AGBL4: variants seen among roughly 807,000 people sequenced by gnomAD.
AGBL4 encodes AGBL carboxypeptidase 4, also known as cytosolic carboxypeptidase 6.
Under a neutral mutation model 66.4 loss-of-function variants are expected in AGBL4, and 58 were observed. That is an observed-to-expected ratio of 0.87 (90% CI 0.71 to 1.09). AGBL4 has a LOEUF of 1.09. Among genes scored for constraint, AGBL4 ranks in the 50% least tolerant of loss-of-function variants. The pLI, the probability that AGBL4 is intolerant of heterozygous loss-of-function variation, is 0.00. For synonymous variants in AGBL4, 234 were observed against 222.9 expected, an observed-to-expected ratio of 1.05 and a Z score of -0.44; for missense variants, 579 against 631.0, an observed-to-expected ratio of 0.92 and a Z score of 0.88.
chr1:49,233,280 A>G (rs1388970769), intron 4 of AGBL4, among the ~76,000 whole-genome samples: 2 of 152,224 alleles, frequency 1.3e-5, no homozygotes, highest in Non-Finnish European at 2.9e-5. Flanking sequence ...GCCCCAAATA[A>G]ATCCAATCTG....
intron 9 of AGBL4, among the ~76,000 whole-genome samples, chr1:48,626,391 A>T (rs927060388): frequency 5.3e-5 from 8 of 152,210 alleles, no homozygotes; most frequent in African/African-American, 9.6e-5. Flanking sequence ...GGGCATACTG[A>T]GGCTTTGGAA....
At chr1:48,879,692 C>G (rs1479558010) in intron 5 of AGBL4, among the ~76,000 whole-genome samples, 1 of 151,946 alleles carries the variant, frequency 6.6e-6, no homozygotes, top group Non-Finnish European at 1.5e-5. Context: ...TTATCTTATC[C>G]TCACAACATA....
At chr1:49,258,780 C>T (rs528933175) in intron 3 of AGBL4, among the ~76,000 whole-genome samples, 6 of 152,224 alleles carry the variant, frequency 3.9e-5, no homozygotes, top group Non-Finnish European at 5.9e-5. Flanking sequence ...GGCAGGCCAA[C>T]GTTCAGATTC....
At chr1:48,759,485 G>C in intron 6 of AGBL4, 1 of 1,081,422 alleles carries the variant, frequency 9.2e-7, no homozygotes, top group Non-Finnish European at 1.3e-6. Context: ...GGGGTTCCGA[G>C]TGGGGAAGGG....
intron 6 of AGBL4, among the ~76,000 whole-genome samples, chr1:48,816,797 C>T (rs528664288): frequency 3.2e-4 from 49 of 152,234 alleles, no homozygotes; most frequent in African/African-American, 1.1e-3. Context: ...AAAGCGTCCA[C>T]AATCTAATGA....
intron 5 of AGBL4, among the ~76,000 whole-genome samples, chr1:49,024,768 G>C (rs1663514765): frequency 1.3e-5 from 2 of 152,118 alleles, no homozygotes; most frequent in Non-Finnish European, 2.9e-5. Context: ...TTATATCCAA[G>C]AACTTACAAA....
rs191836136 is a variant in AGBL4 at position 49,656,624 on chromosome 1, C to T, written c.282+40689G>A. On this transcript the variant is annotated intron_variant, in intron 3 of 13. Coordinates refer to ENST00000371839, the MANE Select transcript of AGBL4 (RefSeq NM_032785.4). ...AATCCTCAATAAAATACTGGCAAAC[C>T]GAATCCAGCAGCACATCAAAAAGCT... 5.3e-4 allele frequency among the ~76,000 whole-genome samples: 81 copies of T among 152,216 alleles called. 1 individual carries two copies. The highest frequency in any genetic ancestry group is 1.5e-3 in the African/African-American group (62 of 41,536).
At chr1:49,416,462 T>C (rs1035954744) in intron 3 of AGBL4, among the ~76,000 whole-genome samples, 1 of 152,126 alleles carries the variant, frequency 6.6e-6, no homozygotes, top group African/African-American at 2.4e-5. Context: ...GAGCCACTAT[T>C]TCCTCATCCA....
chr1:49,594,897 T>C (rs1644823022), intron 3 of AGBL4, among the ~76,000 whole-genome samples: 1 of 152,178 alleles, frequency 6.6e-6, no homozygotes, highest in Non-Finnish European at 1.5e-5. Flanking sequence ...GTAATGGGAT[T>C]GCTAGGTCAA....
At chr1:49,379,226 C>T (rs1644538826) in intron 3 of AGBL4, among the ~76,000 whole-genome samples, 1 of 152,146 alleles carries the variant, frequency 6.6e-6, no homozygotes, top group Non-Finnish European at 1.5e-5. Context: ...GATCTTCTAT[C>T]ATTCCCCACT....
intron 3 of AGBL4, among the ~76,000 whole-genome samples, chr1:49,634,546 T>C (rs183056711): frequency 1.2e-4 from 18 of 152,312 alleles, no homozygotes; most frequent in Non-Finnish European, 2.5e-4. Flanking sequence ...GTCTTTATGG[T>C]AGAATGATTT....
At chr1:49,500,760 A>G (rs995848368) in intron 3 of AGBL4, among the ~76,000 whole-genome samples, 1 of 152,052 alleles carries the variant, frequency 6.6e-6, no homozygotes, top group Non-Finnish European at 1.5e-5. Context: ...TACCAGTACC[A>G]TGCTGTTTTG....
intron 3 of AGBL4, among the ~76,000 whole-genome samples, chr1:49,668,025 G>A (rs55699556): frequency 1.4e-3 from 215 of 152,252 alleles, no homozygotes; most frequent in Admixed American, 3.9e-3. Context: ...CAAGCGTATC[G>A]TAGGGCAAAG....
chr1:48,680,842 G>A (rs1457034898), intron 6 of AGBL4, among the ~76,000 whole-genome samples: 3 of 152,330 alleles, frequency 2.0e-5, no homozygotes, highest in African/African-American at 7.2e-5. Context: ...GGGCGAGAGT[G>A]CAACCTGGGG....
At chr1:48,543,432 AC>A (rs1345364019) in intron 11 of AGBL4, among the ~76,000 whole-genome samples, 7 of 150,204 alleles carry the variant, frequency 4.7e-5, no homozygotes, top group African/African-American at 7.4e-5. Flanking sequence ...CCATCCATCT[AC>A]CCGTCCATCC....
At chr1:49,993,433 T>C (rs1660114859) in intron 1 of AGBL4, among the ~76,000 whole-genome samples, 1 of 152,176 alleles carries the variant, frequency 6.6e-6, no homozygotes, top group South Asian at 2.1e-4. Flanking sequence ...TCTCTACTCT[T>C]CTATCCAGAC....
chr1:49,225,397 C>T (rs934448780), intron 4 of AGBL4, among the ~76,000 whole-genome samples: 2 of 152,204 alleles, frequency 1.3e-5, no homozygotes, highest in African/African-American at 4.8e-5. Context: ...AGGGCCACAA[C>T]TGCAAAGATA....
chr1:48,919,033 A>G (rs1259160352), intron 5 of AGBL4, among the ~76,000 whole-genome samples: 1 of 152,238 alleles, frequency 6.6e-6, no homozygotes, highest in African/African-American at 2.4e-5. Context: ...GAAGGAAGCC[A>G]GGTAGGCCAC....
At chr1:49,957,991 C>A (rs1656774770) in intron 1 of AGBL4, among the ~76,000 whole-genome samples, 1 of 152,028 alleles carries the variant, frequency 6.6e-6, no homozygotes, top group African/African-American at 2.4e-5. Context: ...TTTGCAGTGG[C>A]TGGTACCGGT....
Sources: gnomAD v4.1 joint callset for allele counts (sites outside exome capture counted in the v4.1 genomes callset) on GRCh38, gnomAD v4.1.1 for gene constraint, MANE v1.5 for transcripts, NCBI Gene and HGNC (gene_info 2026-07-23, HGNC 2026-07-21) for gene names.